Variants in ZYG11B observed in about 807,000 individuals in gnomAD.
ZYG11B encodes the protein protein zyg-11 homolog B.
ZYG11B carries 36 observed loss-of-function variants against 82.4 expected under a neutral mutation model. The ratio of observed to expected loss-of-function variants is 0.44; its 90% CI spans 0.33 to 0.58. The LOEUF is 0.58. Among genes scored for constraint, ZYG11B ranks in the 20% least tolerant of loss-of-function variants. The probability of loss-of-function intolerance (pLI) is 0.02; values close to 1 mark genes in which losing one functional copy is unlikely to be tolerated. For synonymous variants in ZYG11B, 303 were observed against 312.8 expected, an observed-to-expected ratio of 0.97 and a Z score of 0.33; for missense variants, 552 against 895.6, an observed-to-expected ratio of 0.62 and a Z score of 4.90.
Position 52,824,664 on chromosome 1 carries a change from A to G in ZYG11B, c.*3035A>G, listed in dbSNP as rs868384848. On this transcript the variant is annotated 3_prime_UTR_variant, in exon 14 of 14. Transcript: ENST00000294353. ...AAAAAAAAAAAAAGCATAATAATTTATTACATCCCAAATATATAAAAATTT... is the reference window on the plus strand; with the variant it reads ...AAAAAAAAAAAAAGCATAATAATTTGTTACATCCCAAATATATAAAAATTT... 2.4e-4 allele frequency: 36 copies of G among 152,040 alleles called. No homozygotes were observed. The highest frequency in any genetic ancestry group is 3.4e-3 in the Middle Eastern group (1 of 294). The allele number at this position is 152,040 out of a possible 1,614,324, so 9.4% of individuals were successfully genotyped here.
chr1:52,815,929 C>T (rs536905019), intron 12 of ZYG11B, among the ~76,000 whole-genome samples: 19 of 150,128 alleles, frequency 1.3e-4, no homozygotes, highest in East Asian at 3.9e-4. Context: ...AGCGAGACTC[C>T]GTATCAAAAT....
At chr1:52,785,101 A>G (rs1224382274) in intron 5 of ZYG11B, 48 bp downstream of exon 5, 2 of 1,575,250 alleles carry the variant, frequency 1.3e-6, no homozygotes, top group South Asian at 2.3e-5. Context: ...AGTGTCTTCT[A>G]CTCATCTCCT....
At position 52,737,827 on chromosome 1, in the gene ZYG11B, A is replaced by G. The variant is rs1045706575; in HGVS notation, c.30+11144A>G. ...CAGTGTGTGTTTGATAGAGAATTGC[A>G]TAAGGTAATGTTAACTGAGATGTTG... On this transcript the variant is annotated intron_variant, in intron 1 of 13. Coordinates refer to ENST00000294353, the MANE Select transcript of ZYG11B (RefSeq NM_024646.3). Among the ~76,000 whole-genome samples, 4 of 152,256 alleles carry G rather than the reference A, an allele frequency of 2.6e-5. No individual in the cohort carries two copies. In the South Asian group the frequency reaches 8.3e-4, roughly 32 times the overall value.
chr1:52,733,334 T>C (rs1644350277), intron 1 of ZYG11B, among the ~76,000 whole-genome samples: 1 of 152,196 alleles, frequency 6.6e-6, no homozygotes, highest in Non-Finnish European at 1.5e-5. Flanking sequence ...CTAGAGGTCA[T>C]GCTTAATGAT....
intron 13 of ZYG11B, among the ~76,000 whole-genome samples, chr1:52,817,816 T>TATATA (rs1160186535): frequency 9.8e-4 from 8 of 8,122 alleles, no homozygotes; most frequent in East Asian, 5.1e-3. Flanking sequence ...TATATATATA[T>TATATA]TTTTTTTTTT....
rs537831365 is a variant in ZYG11B, at chr1:52,812,211, A to G, written c.1696-1325A>G. 1.2e-4 allele frequency among the ~76,000 whole-genome samples: 18 copies of G among 151,754 alleles called. 1 individual carries two copies. The highest frequency in any genetic ancestry group is 9.9e-4 in the Admixed American group (15 of 15,208). On this transcript the variant is annotated intron_variant, in intron 10 of 13. Coordinates refer to ENST00000294353, the MANE Select transcript of ZYG11B (RefSeq NM_024646.3). The stretch of plus-strand genomic sequence containing the variant: ...GATTTTTCTCCTGGTTATGAATCAT[A>G]TTTTTCTGCCCCTTTGTATGCCTGG...
chr1:52,814,900 A>G (rs528901332), intron 12 of ZYG11B, among the ~76,000 whole-genome samples: 1 of 152,220 alleles, frequency 6.6e-6, no homozygotes, highest in East Asian at 1.9e-4. Flanking sequence ...GCTCATGCCT[A>G]TAATCCCAGC....
At chr1:52,747,020 T>C (rs1370776586) in intron 1 of ZYG11B, among the ~76,000 whole-genome samples, 1 of 151,738 alleles carries the variant, frequency 6.6e-6, no homozygotes, top group African/African-American at 2.4e-5. Context: ...ATTCTAAATA[T>C]ATGAACTTGG....
chr1:52,776,364 C>T (rs542145402), intron 3 of ZYG11B, among the ~76,000 whole-genome samples: 1 of 148,030 alleles, frequency 6.8e-6, no homozygotes, highest in African/African-American at 2.5e-5. Flanking sequence ...AACCTTGCCT[C>T]TACTAAAAAT....
intron 10 of ZYG11B, among the ~76,000 whole-genome samples, chr1:52,810,632 C>A (rs1645174523): frequency 1.3e-5 from 2 of 152,182 alleles, no homozygotes; most frequent in African/African-American, 4.8e-5. Flanking sequence ...ATCTTGAGAA[C>A]TGTTTTTCCA....
chr1:52,735,835 C>T (rs1644374296), intron 1 of ZYG11B, among the ~76,000 whole-genome samples: 1 of 152,086 alleles, frequency 6.6e-6, no homozygotes, highest in South Asian at 2.1e-4. Flanking sequence ...TTGTCTGAGA[C>T]AATAGACCCT....
intron 1 of ZYG11B, among the ~76,000 whole-genome samples, chr1:52,730,292 A>G (rs575971259): frequency 3.7e-4 from 56 of 152,262 alleles, no homozygotes; most frequent in Non-Finnish European, 7.2e-4. Context: ...GGCATTTTTC[A>G]TCTCATGTAT....
chr1:52,726,815 T>A, intron 1 of ZYG11B, 132 bp downstream of exon 1: 2 of 839,630 alleles, frequency 2.4e-6, no homozygotes, highest in Non-Finnish European at 3.3e-6. Context: ...CCTCTCTCCC[T>A]CGTTACCGCC....
intron 6 of ZYG11B, 41 bp from the exon 7 acceptor site, chr1:52,796,251 G>A: frequency 6.8e-7 from 1 of 1,479,508 alleles, no homozygotes; most frequent in Middle Eastern, 1.7e-4. Flanking sequence ...TTGTGCCTGG[G>A]CCTCCACGAT....
intron 5 of ZYG11B, 145 bp from the exon 6 acceptor site, chr1:52,789,858 A>G (rs1644941380): frequency 2.1e-5 from 11 of 512,024 alleles, no homozygotes; most frequent in South Asian, 4.9e-5. Flanking sequence ...CAGCCTTTCA[A>G]TACTAGGGGG....
At chr1:52,732,200 T>C (rs906161441) in intron 1 of ZYG11B, among the ~76,000 whole-genome samples, 7 of 152,216 alleles carry the variant, frequency 4.6e-5, no homozygotes, top group African/African-American at 1.7e-4. Context: ...AGGATGTGTG[T>C]AGGGGAATCA....
chr1:52,784,747 T>A, intron 4 of ZYG11B, 130 bp from the exon 5 acceptor site: 1 of 991,884 alleles, frequency 1.0e-6, no homozygotes, highest in Non-Finnish European at 1.5e-6. Flanking sequence ...TCCTAGGCTC[T>A]TTGCACATGA....
rs1252436417 is a variant in ZYG11B at position 52,762,979 on chromosome 1, G to T, written c.196+6356G>T. ...GGTTTTTGTAAAGGTGAGAGATTGG[G>T]GGGGGGGGGTCTAGTTTCATTCTTT... On this transcript the variant is annotated intron_variant, in intron 2 of 13. Coordinates refer to ENST00000294353, the MANE Select transcript of ZYG11B (RefSeq NM_024646.3). 1.5e-4 allele frequency among the ~76,000 whole-genome samples: 20 copies of T among 130,362 alleles called. 1 individual carries two copies. Among genetic ancestry groups the T allele is most frequent in the South Asian group, 7.7e-4 (3 of 3,892 alleles). 85.5% of individuals were successfully genotyped at this position (130,362 alleles called of 152,430 possible). A position where few individuals can be genotyped will look rare whatever the true frequency, so the allele number is the denominator to read the frequency against.
intron 4 of ZYG11B, among the ~76,000 whole-genome samples, chr1:52,783,983 C>G (rs1227992835): frequency 2.1e-5 from 1 of 48,766 alleles, no homozygotes. Flanking sequence ...CACACACACA[C>G]ACATATATAT....
Sources: gnomAD v4.1 joint callset for allele counts (sites outside exome capture counted in the v4.1 genomes callset) on GRCh38, gnomAD v4.1.1 for gene constraint, MANE v1.5 for transcripts, NCBI Gene and HGNC (gene_info 2026-07-23, HGNC 2026-07-21) for gene names.